CFB: variants seen among roughly 807,000 people sequenced by gnomAD.
CFB encodes the protein complement factor B, also known as B-factor, properdin.
A neutral mutation model predicts 97.2 loss-of-function variants in CFB; 59 were observed. The observed-to-expected ratio is 0.61, with a 90% confidence interval of 0.49 to 0.75. CFB has a LOEUF of 0.75. Ranked by LOEUF, CFB falls within the 30% of genes least tolerant of loss-of-function variation. The pLI, the probability that CFB is intolerant of heterozygous loss-of-function variation, is 0.00. For missense variants in CFB, 771 were observed against 959.8 expected (o/e 0.80, Z 2.60); for synonymous variants, 316 against 351.7 (o/e 0.90, Z 1.14).
chr6:31,951,068 C>A lies in CFB; in HGVS notation c.1856-76C>A. On this transcript the variant is annotated intron_variant, in intron 14 of 17. Transcript: ENST00000425368. The surrounding 1 kb of genome is among the most constrained non-coding windows in gnomAD (Gnocchi z 4.3). ...CCTAGCTCTAGAAGGGCTTAGGGGA[C>A]ATCTACTGAGTGACAAAGGCAATGG... 1 of 1,573,988 alleles carries A rather than the reference C, an allele frequency of 6.4e-7. No homozygotes were observed. The highest frequency in any genetic ancestry group is 8.7e-7 in the Non-Finnish European group (1 of 1,145,648).
At position 31,947,016 on chromosome 6, in the gene CFB, G is replaced by C; in HGVS notation, c.308G>C (p.Cys103Ser). ...TCCCCCCTTCTCAAAGCAATCCACT[G>C]TCCAAGACCACACGACTTCGAGAAC... ...VRKAECRAIH[C>S]PRPHDFENGE... is the part of the protein sequence containing the mutation. Residue 103 changes from cysteine (C) to serine (S), a missense_variant, in exon 3 of 18, where the codon TGT becomes TCT. Cys to Ser is a moderately radical substitution (Grantham distance 112). Transcript: ENST00000425368. This position sits in a 1 kb window ranked among gnomAD's most constrained non-coding sequence, Gnocchi z 5.3. The C allele has an allele frequency of 1.2e-6, 2 of 1,612,946 alleles. No homozygotes were observed. The highest frequency in any genetic ancestry group is 1.7e-6 in the Non-Finnish European group (2 of 1,180,022).
At position 31,951,478 on chromosome 6, in the gene CFB, G is replaced by C. The variant is rs747605859; in HGVS notation, c.2089+5G>C. The C allele has an allele frequency of 2.2e-5, 35 of 1,614,112 alleles. No homozygotes were observed. Among genetic ancestry groups the C allele is most frequent in the Non-Finnish European group, 2.9e-5 (34 of 1,180,048 alleles). ...CTGACCCCAATACTTGCAGAGGTGA[G>C]AGAATGCTCTTTGGTTGTGCTACAA... On this transcript the variant is annotated splice_donor_5th_base_variant and intron_variant, in intron 16 of 17. Transcript: ENST00000425368. This position sits in a 1 kb window ranked among gnomAD's most constrained non-coding sequence, Gnocchi z 4.3.
chr6:31,947,658 C>T lies in CFB; in HGVS notation c.659-84C>T. ...TATCTCACTTCTGAGCCTTTTATACCCTGGAAACCCATGATCCCCCGTCTC... is the reference window on the plus strand; with the variant it reads ...TATCTCACTTCTGAGCCTTTTATACTCTGGAAACCCATGATCCCCCGTCTC... On this transcript the variant is annotated intron_variant, in intron 4 of 17. Coordinates refer to ENST00000425368, the MANE Select transcript of CFB (RefSeq NM_001710.6). The surrounding 1 kb of genome is among the most constrained non-coding windows in gnomAD (Gnocchi z 5.3). The T allele has an allele frequency of 3.4e-5, 54 of 1,577,292 alleles. No individual in the cohort carries two copies. Among genetic ancestry groups the T allele is most frequent in the South Asian group, 4.4e-5 (4 of 90,332 alleles).
At position 31,947,261 on chromosome 6, in the gene CFB, G is replaced by C. The variant is rs1412880045; in HGVS notation, c.484+69G>C. 3 of 1,610,708 alleles carry C rather than the reference G, an allele frequency of 1.9e-6. No homozygotes were observed. Among genetic ancestry groups the C allele is most frequent in the Non-Finnish European group, 2.5e-6 (3 of 1,179,356 alleles). ...CGCCCAGCCCGAGGAGTGGGCACTC[G>C]GCTCCGGACACTGTAACTCTTGCTC... On this transcript the variant is annotated intron_variant, in intron 3 of 17. Coordinates refer to ENST00000425368, the MANE Select transcript of CFB (RefSeq NM_001710.6). This position sits in a 1 kb window ranked among gnomAD's most constrained non-coding sequence, Gnocchi z 5.3.
In CFB at chr6:31,946,095, G is replaced by C; in HGVS notation, c.-127G>C. ...AAGGCTGGGGGCTGGTGGGGAGCAG[G>C]GGAAGGGAATGTGACCAGGTCTAGG... On this transcript the variant is annotated 5_prime_UTR_variant, in exon 1 of 18. Coordinates refer to ENST00000425368, the MANE Select transcript of CFB (RefSeq NM_001710.6). The surrounding 1 kb of genome is among the most constrained non-coding windows in gnomAD (Gnocchi z 6.4). 1.0e-6 allele frequency: 1 copy of C among 968,884 alleles called. No individual in the cohort carries two copies. The highest frequency in any genetic ancestry group is 1.7e-6 in the Non-Finnish European group (1 of 603,092). 60.0% of individuals were successfully genotyped at this position (968,884 alleles called of 1,614,324 possible).
At position 31,946,952 on chromosome 6, in the gene CFB, C is replaced by T. The variant is rs1771461628; in HGVS notation, c.299-55C>T. ...ATGGTCTCCGAGACCAGGAGGGATA[C>T]ACCTAAGGCAGCCTTTCCCTCTTGA... is the stretch of plus-strand genomic sequence containing the variant. On this transcript the variant is annotated intron_variant, in intron 2 of 17. Coordinates refer to ENST00000425368, the MANE Select transcript of CFB (RefSeq NM_001710.6). The surrounding 1 kb of genome is among the most constrained non-coding windows in gnomAD (Gnocchi z 6.4). 1.3e-5 allele frequency: 20 copies of T among 1,578,630 alleles called. No homozygotes were observed. The highest frequency in any genetic ancestry group is 1.7e-5 in the Non-Finnish European group (19 of 1,149,024).
chr6:31,949,214 CT>C, intron 8 of CFB, 28 bp from the exon 9 acceptor site: 1 of 1,609,994 alleles, frequency 6.2e-7, no homozygotes, highest in Non-Finnish European at 8.5e-7. Flanking sequence ...TCCTTATCTC[CT>C]ACCCTCATGG....
Position 31,948,954 on chromosome 6 carries a change from G to C in CFB, c.1161G>C (p.Met387Ile), listed in dbSNP as rs1771597370. 6.2e-7 allele frequency: 1 copy of C among 1,612,910 alleles called. No individual in the cohort carries two copies. Among genetic ancestry groups the C allele is most frequent in the Admixed American group, 1.7e-5 (1 of 60,010 alleles). ...WNRTRHVIILMTDGLHNMGGD... is the reference protein window; with the variant it reads ...WNRTRHVIILITDGLHNMGGD... ...GCACCCGCCATGTCATCATCCTCATGACTGATGGTCAGAAGGGACCTCTCT... is the reference window on the plus strand; with the variant it reads ...GCACCCGCCATGTCATCATCCTCATCACTGATGGTCAGAAGGGACCTCTCT... Residue 387 changes from methionine (M) to isoleucine (I), a missense_variant, in exon 8 of 18, where the codon ATG becomes ATC. Transcript: ENST00000425368.
chr6:31,948,649 T>C, intron 7 of CFB, 137 bp downstream of exon 7: 3 of 1,499,012 alleles, frequency 2.0e-6, no homozygotes, highest in South Asian at 2.3e-5. Flanking sequence ...CGTTGGGCAA[T>C]GGAGGTTAGT....
At position 31,951,177 on chromosome 6, in the gene CFB, C is replaced by T. The variant is rs886061297; in HGVS notation, c.1889C>T (p.Ala630Val). The change falls in exon 15 of 18, where the codon GCT (alanine) becomes GTT (valine). Residue 630 changes from alanine (A) to valine (V), a missense_variant. Transcript: ENST00000425368. This position sits in a 1 kb window ranked among gnomAD's most constrained non-coding sequence, Gnocchi z 4.3. ...CTGCTCCCTGCACAGGATATCAAAG[C>T]TCTGTTTGTGTCTGAGGAGGAGAAA... ...EELLPAQDIK[A>V]LFVSEEEKKL... 1 of 1,613,014 alleles carries T rather than the reference C, an allele frequency of 6.2e-7. No individual in the cohort carries two copies. Among genetic ancestry groups the T allele is most frequent in the South Asian group, 1.1e-5 (1 of 91,070 alleles).
rs1313510974 is a variant in CFB at position 31,946,807 on chromosome 6, C to A, written c.299-200C>A. On this transcript the variant is annotated intron_variant, in intron 2 of 17. Coordinates refer to ENST00000425368, the MANE Select transcript of CFB (RefSeq NM_001710.6). The surrounding 1 kb of genome is among the most constrained non-coding windows in gnomAD (Gnocchi z 6.4). ...GCATTTACCCTGGGCTTCCAGGCAG[C>A]CCTGGAAGTCAAGAGAACACTCAGA... 2 of 779,408 alleles carry A rather than the reference C, an allele frequency of 2.6e-6. No individual in the cohort carries two copies. Among genetic ancestry groups the A allele is most frequent in the Non-Finnish European group, 4.4e-6 (2 of 459,044 alleles). The allele number at this position is 779,408 out of a possible 1,614,324, so 48.3% of individuals were successfully genotyped here.
At chr6:31,948,122 C>T (rs778978928) in intron 6 of CFB, 41 bp downstream of exon 6, 24 of 1,609,378 alleles carry the variant, frequency 1.5e-5, no homozygotes, top group African/African-American at 2.7e-5. Flanking sequence ...AATGGAATCT[C>T]GCTGATCTTC....
chr6:31,951,213 G>C lies in CFB; in HGVS notation c.1925G>C (p.Arg642Pro). Reference protein sequence around the residue: ...FVSEEEKKLTRKEVYIKNGDK... With the variant: ...FVSEEEKKLTPKEVYIKNGDK... ...TCTGAGGAGGAGAAAAAGCTGACTC[G>C]GAAGGAGGTCTACATCAAGAATGGG... The change falls in exon 15 of 18, where the codon CGG becomes CCG. Residue 642 changes from arginine to proline, a missense_variant. By Grantham distance (103) the Arg-to-Pro change is moderately radical. Coordinates refer to ENST00000425368, the MANE Select transcript of CFB (RefSeq NM_001710.6). This position sits in a 1 kb window ranked among gnomAD's most constrained non-coding sequence, Gnocchi z 4.3. 1 of 1,613,066 alleles carries C rather than the reference G, an allele frequency of 6.2e-7. No individual in the cohort carries two copies.
In CFB at chr6:31,947,456, G is replaced by A. The variant is rs754190121; in HGVS notation, c.593G>A (p.Arg198His). 8.7e-6 allele frequency: 14 copies of A among 1,612,988 alleles called. No homozygotes were observed. Among genetic ancestry groups the A allele is most frequent in the African/African-American group, 1.3e-5 (1 of 75,010 alleles). The change falls in exon 4 of 18, where the codon CGT (arginine) becomes CAT (histidine). Residue 198 changes from arginine to histidine, a missense_variant. Transcript: ENST00000425368. The surrounding 1 kb of genome is among the most constrained non-coding windows in gnomAD (Gnocchi z 5.3). The stretch of plus-strand genomic sequence containing the variant: ...CACTGCAGCCGGGGGCTTACCCTGC[G>A]TGGCTCCCAGCGGCGAACGTGTCAG... The part of the protein sequence containing the change: ...TYHCSRGLTL[R>H]GSQRRTCQEG...
Position 31,949,343 on chromosome 6 carries a change from G to T in CFB, c.1269G>T (p.Leu423=). ...KDRKNPREDY[L]DVYVFGVGPL... ...GCAAAAACCCAAGGGAGGATTATCT[G>T]GGTGAGTAACCTGCCTAGGACCCAG... Residue 423 remains leucine, a splice_region_variant and synonymous_variant, in exon 9 of 18, where the codon CTG becomes CTT. Transcript: ENST00000425368. 2.5e-6 allele frequency: 4 copies of T among 1,614,172 alleles called. No homozygotes were observed. The highest frequency in any genetic ancestry group is 1.1e-5 in the South Asian group (1 of 91,078).
chr6:31,947,300 C>T lies in CFB; in HGVS notation c.485-48C>T, dbSNP rs762633490. On this transcript the variant is annotated intron_variant, in intron 3 of 17. Transcript: ENST00000425368. This position sits in a 1 kb window ranked among gnomAD's most constrained non-coding sequence, Gnocchi z 5.3. ...TAACTCTTGCTCTCTACCTTGCTCA[C>T]GGGGCCTCAGGCTTCAGTGCTTACC... The T allele has an allele frequency of 1.6e-5, 26 of 1,612,042 alleles. No homozygotes were observed. Among genetic ancestry groups the T allele is most frequent in the Admixed American group, 6.7e-5 (4 of 60,002 alleles).
At position 31,948,415 on chromosome 6, in the gene CFB, A is replaced by G. The variant is rs368798794; in HGVS notation, c.939A>G (p.Thr313=). The G allele has an allele frequency of 6.2e-6, 10 of 1,614,124 alleles. No individual in the cohort carries two copies. In the African/African-American group the frequency reaches 1.2e-4, roughly 19 times the overall value. ...TGAAGCCAAGATATGGTCTAGTGAC[A>G]TATGCCACATACCCCAAAATTTGGG... is the stretch of plus-strand genomic sequence containing the variant. ...YGVKPRYGLV[T]YATYPKIWVK... The change falls in exon 7 of 18, where the codon ACA becomes ACG. Residue 313 remains threonine (T), a synonymous_variant. Transcript: ENST00000425368.
In CFB at chr6:31,947,048, T is replaced by A; in HGVS notation, c.340T>A (p.Tyr114Asn). The A allele has an allele frequency of 6.2e-7, 1 of 1,613,000 alleles. No individual in the cohort carries two copies. Among genetic ancestry groups the A allele is most frequent in the Non-Finnish European group, 8.5e-7 (1 of 1,180,010 alleles). The change falls in exon 3 of 18, where the codon TAC becomes AAC. Residue 114 changes from tyrosine (Y) to asparagine (N), a missense_variant. Transcript: ENST00000425368. The surrounding 1 kb of genome is among the most constrained non-coding windows in gnomAD (Gnocchi z 5.3). ...ACCACACGACTTCGAGAACGGGGAA[T>A]ACTGGCCCCGGTCTCCCTACTACAA... ...PRPHDFENGE[Y>N]WPRSPYYNVS...
Position 31,948,092 on chromosome 6 carries a change from C to T in CFB, c.897+11C>T. The T allele has an allele frequency of 6.2e-7, 1 of 1,613,934 alleles. No individual in the cohort carries two copies. The highest frequency in any genetic ancestry group is 8.5e-7 in the Non-Finnish European group (1 of 1,179,982). ...AACTTAATTGAGAAGGTGGAATCCT[C>T]CTATCCCTGAACTCGGGGGAATGGA... is the stretch of plus-strand genomic sequence containing the variant. On this transcript the variant is annotated intron_variant, in intron 6 of 17. Coordinates refer to ENST00000425368, the MANE Select transcript of CFB (RefSeq NM_001710.6).
Sources: allele counts gnomAD v4.1 joint callset, GRCh38; gene constraint gnomAD v4.1.1; non-coding constraint Gnocchi (gnomAD v3.1); transcripts MANE v1.5; gene names NCBI Gene and HGNC (gene_info 2026-07-23, HGNC 2026-07-21).